The following DIP2C variants were observed in gnomAD, a reference collection of about 807,000 sequenced individuals.
DIP2C encodes disco-interacting protein 2 homolog C.
A neutral mutation model predicts 192.4 loss-of-function variants in DIP2C; 33 were observed. The observed-to-expected ratio is 0.17, with a 90% confidence interval of 0.13 to 0.23. The LOEUF (loss-of-function observed/expected upper bound fraction) is 0.23. Among genes scored for constraint, DIP2C ranks in the 10% least tolerant of loss-of-function variants. DIP2C has a pLI of 1.00. For missense variants in DIP2C, 1,537 were observed against 2,110.1 expected, an observed-to-expected ratio of 0.73 and a Z score of 5.32; for synonymous variants, 979 against 864.1, an observed-to-expected ratio of 1.13 and a Z score of -2.33.
At chr10:377,534 C>T (rs1054099103) in intron 17 of DIP2C, among the ~76,000 whole-genome samples, 1 of 152,186 alleles carries the variant, frequency 6.6e-6, no homozygotes, top group African/African-American at 2.4e-5. Context: ...AAAATTTTAT[C>T]CCTCTTTTTA....
intron 35 of DIP2C, 133 bp downstream of exon 35, chr10:283,139 A>G: frequency 8.0e-7 from 1 of 1,255,356 alleles, no homozygotes; most frequent in Non-Finnish European, 1.1e-6. Context: ...GGTTCTTTTC[A>G]CACTGGGTTG....
intron 1 of DIP2C, among the ~76,000 whole-genome samples, chr10:581,256 C>G (rs918662686): frequency 2.6e-5 from 4 of 152,170 alleles, no homozygotes; most frequent in African/African-American, 9.7e-5. Flanking sequence ...AAAAACAGCC[C>G]ATGTGTTTGT....
intron 1 of DIP2C, among the ~76,000 whole-genome samples, chr10:569,573 A>C (rs566780283): frequency 6.6e-6 from 1 of 152,240 alleles, no homozygotes; most frequent in South Asian, 2.1e-4. Flanking sequence ...ACATTCGGTT[A>C]AATGATACTC....
intron 33 of DIP2C, among the ~76,000 whole-genome samples, chr10:286,997 G>A (rs896251407): frequency 5.3e-5 from 8 of 152,186 alleles, no homozygotes; most frequent in Non-Finnish European, 8.8e-5. Context: ...TAGAACGTCC[G>A]TGTGGATCTC....
intron 1 of DIP2C, among the ~76,000 whole-genome samples, chr10:679,965 T>C (rs1831072626): frequency 6.6e-6 from 1 of 152,148 alleles, no homozygotes; most frequent in Non-Finnish European, 1.5e-5. Flanking sequence ...GGCTGTGAGA[T>C]GAGCGCATCT....
At chr10:543,303 C>T (rs1159146161) in intron 1 of DIP2C, among the ~76,000 whole-genome samples, 1 of 152,270 alleles carries the variant, frequency 6.6e-6, no homozygotes, top group Non-Finnish European at 1.5e-5. Context: ...CAGGTGCCAT[C>T]ACTGATTTCA....
chr10:362,645 A>C lies in DIP2C; in HGVS notation c.2639T>G (p.Val880Gly). 1.2e-6 allele frequency: 2 copies of C among 1,613,978 alleles called. No individual in the cohort carries two copies. The highest frequency in any genetic ancestry group is 1.7e-6 in the Non-Finnish European group (2 of 1,179,916). Residue 880 changes from valine (V) to glycine (G), a missense_variant, in exon 22 of 37, where the codon GTG becomes GGG. Around this residue, in one of 4 missense-constraint regions of DIP2C, gnomAD observed 677 missense variants for 989.9 expected, o/e 0.68. Coordinates refer to ENST00000280886, the MANE Select transcript of DIP2C (RefSeq NM_014974.3). ...GGTTTTGGGGAGGGTGTTTGCTGGC[A>C]CCAAGGCCAGGCAATAAACTCCAAC... ...HQVGVYCLAL[V>G]PANTLPKTPL...
intron 17 of DIP2C, among the ~76,000 whole-genome samples, chr10:381,001 C>T (rs573283316): frequency 6.6e-6 from 1 of 152,276 alleles, no homozygotes; most frequent in South Asian, 2.1e-4. Flanking sequence ...GAAAACAATG[C>T]AGAGAGGGAT....
At position 281,319 on chromosome 10, in the gene DIP2C, G is replaced by C; in HGVS notation, c.4299C>G (p.Arg1433=). ...CCCCTACCACGTAGAGGGCATCATG[G>C]CGCTCTGTGGAGTAATGACAGCCTG... The part of the protein sequence containing the change: ...RTELTDANGE[R]HDALYVVGAL... Residue 1433 remains arginine (R), a synonymous_variant, in exon 36 of 37, where the codon CGC becomes CGG. Transcript: ENST00000280886. 8 of 1,610,470 alleles carry C rather than the reference G, an allele frequency of 5.0e-6. No homozygotes were observed. Among genetic ancestry groups the C allele is most frequent in the Non-Finnish European group, 6.8e-6 (8 of 1,177,064 alleles).
chr10:544,341 TGACA>T (rs930298696), intron 1 of DIP2C, among the ~76,000 whole-genome samples: 48 of 152,384 alleles, frequency 3.1e-4, no homozygotes, highest in African/African-American at 1.1e-3. Context: ...ACTCATCTGT[TGACA>T]GACATCTGGG....
intron 1 of DIP2C, among the ~76,000 whole-genome samples, chr10:683,135 C>T (rs531193014): frequency 1.3e-5 from 2 of 152,356 alleles, no homozygotes; most frequent in Admixed American, 1.3e-4. Flanking sequence ...TGAGAGGCTG[C>T]TGGTTGTAAT....
At chr10:396,622 G>A (rs1964004210) in intron 10 of DIP2C, among the ~76,000 whole-genome samples, 1 of 152,164 alleles carries the variant, frequency 6.6e-6, no homozygotes, top group African/African-American at 2.4e-5. Context: ...ATCAGCTGAA[G>A]AGAAGCCTTG....
rs189928620 is a variant in DIP2C at position 454,245 on chromosome 10, A to G, written c.269-13249T>C. Among the ~76,000 whole-genome samples the G allele has an allele frequency of 7.9e-5, 12 of 152,338 alleles. No homozygotes were observed. In the South Asian group the frequency reaches 1.2e-3, roughly 16 times the overall value. Reference sequence around the variant, plus strand: ...TTATTCAGGATCAGCTTCATGCAGCATTGAATAAATCACTATTGCTAGTGA... The same window carrying G: ...TTATTCAGGATCAGCTTCATGCAGCGTTGAATAAATCACTATTGCTAGTGA... On this transcript the variant is annotated intron_variant, in intron 3 of 36. Coordinates refer to ENST00000280886, the MANE Select transcript of DIP2C (RefSeq NM_014974.3).
chr10:626,744 G>A (rs374806176), intron 1 of DIP2C, among the ~76,000 whole-genome samples: 6 of 151,856 alleles, frequency 4.0e-5, no homozygotes, highest in South Asian at 4.2e-4. Flanking sequence ...CGGTCACGCC[G>A]ATTGTCAGGC....
At chr10:619,824 C>G (rs1431991689) in intron 1 of DIP2C, among the ~76,000 whole-genome samples, 1 of 152,130 alleles carries the variant, frequency 6.6e-6, no homozygotes, top group Non-Finnish European at 1.5e-5. Flanking sequence ...ATAAAAATGG[C>G]AGCTCCCGTG....
intron 8 of DIP2C, among the ~76,000 whole-genome samples, chr10:411,707 T>G (rs934621373): frequency 6.6e-6 from 1 of 151,844 alleles, no homozygotes; most frequent in African/African-American, 2.4e-5. Flanking sequence ...TTACTCAGTA[T>G]TAGAACAATT....
chr10:483,192 T>G (rs74368569), intron 2 of DIP2C, among the ~76,000 whole-genome samples: 2,353 of 152,274 alleles, frequency 0.015, 65 homozygotes, highest in African/African-American at 0.054. Context: ...ACTTTTAGAA[T>G]AGTTTCTGGA....
At chr10:472,390 T>C (rs776545904) in intron 3 of DIP2C, 49 bp downstream of exon 3, 2 of 1,562,354 alleles carry the variant, frequency 1.3e-6, no homozygotes, top group East Asian at 2.3e-5. Context: ...GGCACCGTCC[T>C]GGCACAGGTG....
intron 17 of DIP2C, among the ~76,000 whole-genome samples, chr10:370,287 C>A (rs531921982): frequency 6.6e-6 from 1 of 152,236 alleles, no homozygotes; most frequent in African/African-American, 2.4e-5. Context: ...AAGACCACTG[C>A]GCACACGTTC....
Sources: gnomAD v4.1 joint callset for allele counts (sites outside exome capture counted in the v4.1 genomes callset) on GRCh38, gnomAD v4.1.1 for gene constraint, gnomAD v4.1.1 regional missense constraint, MANE v1.5 for transcripts, NCBI Gene and HGNC (gene_info 2026-07-23, HGNC 2026-07-21) for gene names.